CAMK1: variants seen among roughly 807,000 people sequenced by gnomAD.
CAMK1 encodes calcium/calmodulin dependent protein kinase I.
A neutral mutation model predicts 49.1 loss-of-function variants in CAMK1; 39 were observed. That is an observed-to-expected ratio of 0.79 (90% confidence interval 0.62 to 1.04). CAMK1 has a LOEUF of 1.04. Among genes scored for constraint, CAMK1 ranks in the 50% least tolerant of loss-of-function variants. The probability of loss-of-function intolerance (pLI) is 0.00; values close to 1 mark genes in which losing one functional copy is unlikely to be tolerated. For missense variants in CAMK1, 457 were observed against 472.2 expected, an observed-to-expected ratio of 0.97 and a Z score of 0.30; for synonymous variants, 192 against 185.2, an observed-to-expected ratio of 1.04 and a Z score of -0.30.
In CAMK1 at chr3:9,762,214, TCTC is replaced by T. The variant is rs1009731134; in HGVS notation, c.430-460_430-458del. The stretch of plus-strand genomic sequence containing the variant: ...AGGCATGTCACACCCCAAGTGCCCT[TCTC>T]CTAGAACGGATTGAGATGTACTGCT... On this transcript the variant is annotated intron_variant, in intron 5 of 11. Coordinates refer to ENST00000256460, the MANE Select transcript of CAMK1 (RefSeq NM_003656.5). The T allele has an allele frequency of 9.8e-5, 16 of 163,060 alleles. 1 individual carries two copies. Among genetic ancestry groups the T allele is most frequent in the Middle Eastern group, 3.1e-3 (1 of 324 alleles). 10.1% of individuals were successfully genotyped at this position (163,060 alleles called of 1,614,324 possible).
chr3:9,757,567 A>C lies in CAMK1; in HGVS notation c.1085T>G (p.Leu362Arg), dbSNP rs1158899575. 1.9e-6 allele frequency: 3 copies of C among 1,614,082 alleles called. No homozygotes were observed. Among genetic ancestry groups the C allele is most frequent in the Admixed American group, 3.3e-5 (2 of 60,010 alleles). The part of the protein sequence containing the change: ...RDCCVEPGTE[L>R]SPTLPHQL ...GAGCTGGTGGGGCAGTGTGGGGGACAGTTCTGTGCCCGGCTCCACGCAGCA... is the reference window on the plus strand; with the variant it reads ...GAGCTGGTGGGGCAGTGTGGGGGACCGTTCTGTGCCCGGCTCCACGCAGCA... Residue 362 changes from leucine (L) to arginine (R), a missense_variant, in exon 12 of 12, where the codon CTG becomes CGG. Coordinates refer to ENST00000256460, the MANE Select transcript of CAMK1 (RefSeq NM_003656.5). The surrounding 1 kb of genome is among the most constrained non-coding windows in gnomAD (Gnocchi z 4.5).
rs293795 is a variant in CAMK1 at position 9,757,429 on chromosome 3, A to G, written c.*110T>C. 290,576 of 1,607,078 alleles carry G rather than the reference A, an allele frequency of 0.18. 28,121 individuals are homozygous for G. The highest frequency in any genetic ancestry group is 0.32 in the African/African-American group (23,846 of 74,832). Reference sequence around the variant, plus strand: ...AAAATGCAGTGAGGAGTGGTAGGGAAGCAGGTGAGGAGGGGACAGGGCAGA... The same window carrying G: ...AAAATGCAGTGAGGAGTGGTAGGGAGGCAGGTGAGGAGGGGACAGGGCAGA... On this transcript the variant is annotated 3_prime_UTR_variant, in exon 12 of 12. Coordinates refer to ENST00000256460, the MANE Select transcript of CAMK1 (RefSeq NM_003656.5). The surrounding 1 kb of genome is among the most constrained non-coding windows in gnomAD (Gnocchi z 4.5).
In CAMK1 at chr3:9,760,782, A is replaced by T; in HGVS notation, c.633-14T>A. On this transcript the variant is annotated splice_polypyrimidine_tract_variant and intron_variant, in intron 7 of 11. Transcript: ENST00000256460. ...TAACCGCAGAGCCTGGGCAGGGAGA[A>T]ACTCATCCTCATTTCCACTTTCGGG... The T allele has an allele frequency of 6.2e-7, 1 of 1,613,764 alleles. No homozygotes were observed. Among genetic ancestry groups the T allele is most frequent in the East Asian group, 2.2e-5 (1 of 44,834 alleles).
chr3:9,760,506 A>C (rs1456049377), intron 8 of CAMK1, 150 bp downstream of exon 8: 1 of 684,002 alleles, frequency 1.5e-6, no homozygotes. Flanking sequence ...AGCAGAAGGA[A>C]GAAGGGGTAG....
At chr3:9,766,293 C>T in intron 2 of CAMK1, 1 of 700,270 alleles carries the variant, frequency 1.4e-6, no homozygotes, top group Middle Eastern at 2.6e-4. Context: ...ATTATGTGGC[C>T]CTCTGGATCC....
At chr3:9,767,895 T>C in intron 1 of CAMK1, 114 bp from the exon 2 acceptor site, 1 of 1,352,636 alleles carries the variant, frequency 7.4e-7, no homozygotes, top group Non-Finnish European at 9.7e-7. Context: ...GATTCATCCA[T>C]TTGACAAAAT....
At chr3:9,761,828 C>A in intron 5 of CAMK1, 71 bp from the exon 6 acceptor site, 1 of 1,572,014 alleles carries the variant, frequency 6.4e-7, no homozygotes, top group Non-Finnish European at 8.6e-7. Flanking sequence ...TCTGCCGCTC[C>A]AAGCACCTTC....
At chr3:9,758,153 G>C (rs1036486398) in intron 10 of CAMK1, 6 of 218,992 alleles carry the variant, frequency 2.7e-5, no homozygotes, top group African/African-American at 1.4e-4. Context: ...AGCACTTTAC[G>C]TAGTAATTCA....
Position 9,765,891 on chromosome 3 carries a change from C to G in CAMK1, c.84-1G>C. On this transcript the variant is annotated splice_acceptor_variant, in intron 2 of 11. Transcript: ENST00000256460. LOFTEE classifies it high-confidence loss of function. ...CAGGATCACCTCCGAGAAGGCCCCCCTATCGGGAGAGGGGATTCACAAGGT... is the reference window on the plus strand; with the variant it reads ...CAGGATCACCTCCGAGAAGGCCCCCGTATCGGGAGAGGGGATTCACAAGGT... 1 of 1,614,162 alleles carries G rather than the reference C, an allele frequency of 6.2e-7. No homozygotes were observed. The highest frequency in any genetic ancestry group is 8.5e-7 in the Non-Finnish European group (1 of 1,180,012).
In CAMK1 at chr3:9,757,823, C is replaced by T. The variant is rs771152728; in HGVS notation, c.936G>A (p.Val312=). The change falls in exon 11 of 12, where the codon GTG becomes GTA. Residue 312 remains valine, a synonymous_variant. Coordinates refer to ENST00000256460, the MANE Select transcript of CAMK1 (RefSeq NM_003656.5). The surrounding 1 kb of genome is among the most constrained non-coding windows in gnomAD (Gnocchi z 4.5). ...KWKQAFNATA[V]VRHMRKLQLG... is the part of the protein sequence containing the mutation. ...GCTGCAGTTTCCTCATGTGCCGCAC[C>T]ACAGCCGTGGCATTGAAGGCTTGCT... 8 of 1,610,286 alleles carry T rather than the reference C, an allele frequency of 5.0e-6. No homozygotes were observed. The South Asian group carries it at 8.8e-5, about 18-fold the overall frequency.
chr3:9,763,912 G>C (rs1015006284), intron 3 of CAMK1, among the ~76,000 whole-genome samples: 5 of 152,066 alleles, frequency 3.3e-5, no homozygotes, highest in Non-Finnish European at 5.9e-5. Flanking sequence ...CTTAAACCTG[G>C]GAAACGGAGG....
At position 9,767,706 on chromosome 3, in the gene CAMK1, T is replaced by C. The variant is rs772591110; in HGVS notation, c.44A>G (p.Asp15Gly). Residue 15 changes from aspartate (D) to glycine (G), a missense_variant, in exon 2 of 12, where the codon GAC (aspartate) becomes GGC (glycine). Coordinates refer to ENST00000256460, the MANE Select transcript of CAMK1 (RefSeq NM_003656.5). The part of the protein sequence containing the change: ...VEGPRWKQAE[D>G]IRDIYDFRDV... ...TCGGAAGTCGTAGATGTCTCTAATG[T>C]CCTCCGCCTGCTTCCACCTGGGGCC... 2 of 1,614,060 alleles carry C rather than the reference T, an allele frequency of 1.2e-6. No homozygotes were observed. Among genetic ancestry groups the C allele is most frequent in the East Asian group, 2.2e-5 (1 of 44,878 alleles).
intron 8 of CAMK1, chr3:9,760,384 A>C (rs1314584945): frequency 8.1e-6 from 3 of 372,106 alleles, no homozygotes; most frequent in Non-Finnish European, 1.0e-5. Context: ...GTGGTGTTTT[A>C]GACATTAGGG....
chr3:9,759,696 C>G lies in CAMK1; in HGVS notation c.800G>C (p.Cys267Ser). ...CCATGGGTGCTGCAAGGCCTGCTCACAGGTGAATCTTTTCTCTGGGTCCTT... is the reference window on the plus strand; with the variant it reads ...CCATGGGTGCTGCAAGGCCTGCTCAGAGGTGAATCTTTTCTCTGGGTCCTT... ...MEKDPEKRFT[C>S]EQALQHPWIA... The change falls in exon 9 of 12, where the codon TGT becomes TCT. Residue 267 changes from cysteine to serine, a missense_variant. Coordinates refer to ENST00000256460, the MANE Select transcript of CAMK1 (RefSeq NM_003656.5). 1 of 1,614,206 alleles carries G rather than the reference C, an allele frequency of 6.2e-7. No individual in the cohort carries two copies. Among genetic ancestry groups the G allele is most frequent in the Non-Finnish European group, 8.5e-7 (1 of 1,180,036 alleles).
At position 9,759,416 on chromosome 3, in the gene CAMK1, C is replaced by T. The variant is rs1301962109; in HGVS notation, c.912+72G>A. Reference sequence around the variant, plus strand: ...GCCCAGTGTGATGCCAGGTGCTGTGCAAGCTGAGCCTGGGTAGGGATGGGG... The same window carrying T: ...GCCCAGTGTGATGCCAGGTGCTGTGTAAGCTGAGCCTGGGTAGGGATGGGG... On this transcript the variant is annotated intron_variant, in intron 10 of 11. Transcript: ENST00000256460. The T allele has an allele frequency of 1.6e-5, 25 of 1,602,312 alleles. No homozygotes were observed. The highest frequency in any genetic ancestry group is 1.8e-5 in the Non-Finnish European group (21 of 1,169,482).
Position 9,759,475 on chromosome 3 carries a change from G to GA in CAMK1, c.912+12dup, listed in dbSNP as rs897683532. 1 of 1,614,052 alleles carries GA rather than the reference G, an allele frequency of 6.2e-7. No homozygotes were observed. Among genetic ancestry groups the GA allele is most frequent in the African/African-American group, 1.3e-5 (1 of 74,906 alleles). On this transcript the variant is annotated intron_variant, in intron 10 of 11. Coordinates refer to ENST00000256460, the MANE Select transcript of CAMK1 (RefSeq NM_003656.5). ...TGGGGAGGCTGGGACCAGAACTAGG[G>GA]ATATGGACTCACCTTCCACTTGCTC...
chr3:9,764,391 C>T (rs559520792), intron 3 of CAMK1, among the ~76,000 whole-genome samples: 22 of 152,010 alleles, frequency 1.4e-4, no homozygotes, highest in African/African-American at 2.2e-4. Flanking sequence ...TGGCTCATCA[C>T]AATTTCTGCC....
At chr3:9,768,099 C>A (rs1452134045) in intron 1 of CAMK1, among the ~76,000 whole-genome samples, 1 of 152,096 alleles carries the variant, frequency 6.6e-6, no homozygotes, top group Non-Finnish European at 1.5e-5. Context: ...TCTGGCAGTA[C>A]AACAGATAAA....
At chr3:9,763,117 G>C (rs1313772170) in intron 4 of CAMK1, 22 bp downstream of exon 4, 1 of 1,614,062 alleles carries the variant, frequency 6.2e-7, no homozygotes, top group Non-Finnish European at 8.5e-7. Context: ...TGTGGGGGCA[G>C]GGCAGAGGTT....
Sources: gnomAD v4.1 joint callset for allele counts (sites outside exome capture counted in the v4.1 genomes callset) on GRCh38, gnomAD v4.1.1 for gene constraint, Gnocchi (gnomAD v3.1) non-coding constraint, MANE v1.5 for transcripts, NCBI Gene and HGNC (gene_info 2026-07-23, HGNC 2026-07-21) for gene names.